The following LNPEP variants were observed in gnomAD, a reference collection of about 807,000 sequenced individuals.
LNPEP encodes leucyl-cystinyl aminopeptidase.
In LNPEP, 64 loss-of-function variants were observed where a neutral mutation model predicts 120.6. That is an observed-to-expected ratio of 0.53 (90% CI 0.43 to 0.65). The LOEUF (loss-of-function observed/expected upper bound fraction) is 0.65, where lower values mean the gene tolerates loss of function less well. Among genes scored for constraint, LNPEP ranks in the 30% least tolerant of loss-of-function variants. The pLI, the probability that LNPEP is intolerant of heterozygous loss-of-function variation, is 0.00. For missense variants in LNPEP, 1,057 were observed against 1,200.0 expected, an observed-to-expected ratio of 0.88 and a Z score of 1.76; for synonymous variants, 435 against 425.4, an observed-to-expected ratio of 1.02 and a Z score of -0.28.
chr5:96,964,978 A>G (rs922582460), intron 1 of LNPEP, among the ~76,000 whole-genome samples: 14 of 152,164 alleles, frequency 9.2e-5, no homozygotes, highest in Non-Finnish European at 1.6e-4. Flanking sequence ...ACATATTTTT[A>G]GAATTGATGT....
At position 97,013,673 on chromosome 5, in the gene LNPEP, G is replaced by T; in HGVS notation, c.2061G>T (p.Val687=). ...KSGVINLTEE[V]LWVKVNINMN... is the part of the protein sequence containing the mutation. ...GTGTCATCAATCTTACAGAAGAAGT[G>T]CTGTGGGTCAAAGTGAATATAAACA... is the stretch of plus-strand genomic sequence containing the variant. The change falls in exon 12 of 18, where the codon GTG becomes GTT. Residue 687 remains valine (V), a synonymous_variant. Coordinates refer to ENST00000231368, the MANE Select transcript of LNPEP (RefSeq NM_005575.3). 1 of 1,560,504 alleles carries T rather than the reference G, an allele frequency of 6.4e-7. No individual in the cohort carries two copies. The highest frequency in any genetic ancestry group is 8.7e-7 in the Non-Finnish European group (1 of 1,152,924).
intron 8 of LNPEP, 126 bp downstream of exon 8, chr5:96,998,271 A>G (rs1297978745): frequency 2.6e-6 from 2 of 763,298 alleles, no homozygotes; most frequent in Non-Finnish European, 2.0e-6. Flanking sequence ...ATGGTAAACT[A>G]TAAAATGTTT....
rs544106245 is a variant in LNPEP, at chr5:96,975,228, ATC to A, written c.20-3908_20-3907del. 3.4e-3 allele frequency among the ~76,000 whole-genome samples: 525 copies of A among 152,288 alleles called. 2 individuals are homozygous for A. The highest frequency in any genetic ancestry group is 0.012 in the African/African-American group (502 of 41,572). On this transcript the variant is annotated intron_variant, in intron 1 of 17. Coordinates refer to ENST00000231368, the MANE Select transcript of LNPEP (RefSeq NM_005575.3). ...ATTAATCAAACATCTCCACCTGGTT[ATC>A]TGACAGATATATCCTACACTGAATG...
Position 96,986,652 on chromosome 5 carries a change from G to C in LNPEP, c.1113G>C (p.Gln371His). Residue 371 changes from glutamine (Q) to histidine (H), a missense_variant, in exon 4 of 18, where the codon CAG becomes CAC. Coordinates refer to ENST00000231368, the MANE Select transcript of LNPEP (RefSeq NM_005575.3). ...FIVGEMKNLSQDVNGTLVSIY... is the reference protein window; with the variant it reads ...FIVGEMKNLSHDVNGTLVSIY... ...TGGGAGAGATGAAGAACCTGAGTCA[G>C]GACGTAAATGGAACCCTGGTATGTT... 1 of 1,613,534 alleles carries C rather than the reference G, an allele frequency of 6.2e-7. No homozygotes were observed. The highest frequency in any genetic ancestry group is 8.5e-7 in the Non-Finnish European group (1 of 1,179,626).
In LNPEP at chr5:96,971,520, G is replaced by A. The variant is rs545058423; in HGVS notation, c.20-7618G>A. On this transcript the variant is annotated intron_variant, in intron 1 of 17. Coordinates refer to ENST00000231368, the MANE Select transcript of LNPEP (RefSeq NM_005575.3). ...TTCTCACACTCCTTCTGTGGCTCCT[G>A]TTAGATACATGTTAGACTGTCTGAT... Among the ~76,000 whole-genome samples the A allele has an allele frequency of 1.1e-4, 16 of 151,964 alleles. No individual in the cohort carries two copies. In the East Asian group the frequency reaches 2.5e-3, roughly 24 times the overall value.
At chr5:96,977,725 A>G (rs1790034358) in intron 1 of LNPEP, among the ~76,000 whole-genome samples, 1 of 152,198 alleles carries the variant, frequency 6.6e-6, no homozygotes, top group Non-Finnish European at 1.5e-5. Flanking sequence ...GTTGAATAGC[A>G]CAAAATACAT....
chr5:96,992,072 G>A (rs981538011), intron 4 of LNPEP, among the ~76,000 whole-genome samples: 5 of 152,078 alleles, frequency 3.3e-5, no homozygotes, highest in Non-Finnish European at 7.4e-5. Context: ...CTTTGAACAT[G>A]GCTGTTTAAC....
rs1275327122 is a variant in LNPEP at position 97,034,995 on chromosome 5, AT to A, written c.*6465del. On this transcript the variant is annotated 3_prime_UTR_variant, in exon 18 of 18. Coordinates refer to ENST00000231368, the MANE Select transcript of LNPEP (RefSeq NM_005575.3). ...CACACACATTTTAATGTATATAAAT[AT>A]TTGCTACATTCTGTGTGTTATATAA... 6.6e-6 allele frequency: 1 copy of A among 152,020 alleles called. No homozygotes were observed. The highest frequency in any genetic ancestry group is 1.9e-4 in the East Asian group (1 of 5,192). The allele number at this position is 152,020 out of a possible 1,614,324, so 9.4% of individuals were successfully genotyped here. A position where few individuals can be genotyped will look rare whatever the true frequency, so the allele number is the denominator to read the frequency against.
intron 12 of LNPEP, among the ~76,000 whole-genome samples, chr5:97,014,547 A>G (rs1561452643): frequency 6.8e-6 from 1 of 147,724 alleles, no homozygotes; most frequent in Non-Finnish European, 1.5e-5. Context: ...CATTAAACCA[A>G]CAAATAAAAT....
chr5:96,940,574 G>A (rs1474870446), intron 1 of LNPEP, among the ~76,000 whole-genome samples: 1 of 152,126 alleles, frequency 6.6e-6, no homozygotes, highest in East Asian at 1.9e-4. Context: ...AAGCAATAAA[G>A]TTTTGTCTAA....
At chr5:96,996,264 G>C (rs1251436691) in intron 6 of LNPEP, 126 bp from the exon 7 acceptor site, 3 of 553,750 alleles carry the variant, frequency 5.4e-6, no homozygotes, top group Non-Finnish European at 9.7e-6. Context: ...TTTAACTATA[G>C]TATCAGTATA....
intron 3 of LNPEP, 148 bp downstream of exon 3, chr5:96,985,366 A>T (rs1423349558): frequency 1.5e-6 from 1 of 686,532 alleles, no homozygotes; most frequent in African/African-American, 1.9e-5. Flanking sequence ...TAAAAATTAA[A>T]ATATATTGGC....
At chr5:96,988,339 C>CT (rs201343272) in intron 4 of LNPEP, among the ~76,000 whole-genome samples, 3,039 of 125,102 alleles carry the variant, frequency 0.024, 126 homozygotes, top group African/African-American at 0.052. Flanking sequence ...TTTTTCTTTT[C>CT]TTTTTTTTTT....
At chr5:96,988,232 T>C (rs896720183) in intron 4 of LNPEP, among the ~76,000 whole-genome samples, 2 of 152,250 alleles carry the variant, frequency 1.3e-5, no homozygotes, top group Middle Eastern at 3.4e-3. Flanking sequence ...GATTCATCAT[T>C]TGATAATCAA....
At chr5:97,023,288 C>T (rs548603915) in intron 14 of LNPEP, among the ~76,000 whole-genome samples, 1 of 152,010 alleles carries the variant, frequency 6.6e-6, no homozygotes, top group African/African-American at 2.4e-5. Flanking sequence ...GAGTCTTGCT[C>T]TGTCACCCAG....
Position 97,028,427 on chromosome 5 carries a change from C to T in LNPEP, c.2972C>T (p.Ser991Leu), listed in dbSNP as rs746462911. Reference protein sequence around the residue: ...SEVQAFFENQSEATFRLRCVQ... With the variant: ...SEVQAFFENQLEATFRLRCVQ... Reference sequence around the variant, plus strand: ...GTTCAGGCATTCTTTGAAAATCAGTCAGAGGCAACCTTCCGGCTTCGTTGT... The same window carrying T: ...GTTCAGGCATTCTTTGAAAATCAGTTAGAGGCAACCTTCCGGCTTCGTTGT... Residue 991 changes from serine (S) to leucine (L), a missense_variant, in exon 18 of 18, where the codon TCA becomes TTA. Coordinates refer to ENST00000231368, the MANE Select transcript of LNPEP (RefSeq NM_005575.3). The T allele has an allele frequency of 1.2e-6, 2 of 1,613,890 alleles. No homozygotes were observed. Among genetic ancestry groups the T allele is most frequent in the Non-Finnish European group, 1.7e-6 (2 of 1,179,814 alleles).
intron 1 of LNPEP, among the ~76,000 whole-genome samples, chr5:96,941,391 G>A (rs1019389159): frequency 6.6e-6 from 1 of 152,196 alleles, no homozygotes; most frequent in Non-Finnish European, 1.5e-5. Context: ...ACCTACTGTA[G>A]GGGGCTGGAG....
chr5:96,982,408 A>G (rs1040387318), intron 2 of LNPEP, among the ~76,000 whole-genome samples: 5 of 152,242 alleles, frequency 3.3e-5, no homozygotes, highest in African/African-American at 4.8e-5. Context: ...GTTATTCAGC[A>G]TAGATAGAAC....
intron 11 of LNPEP, among the ~76,000 whole-genome samples, chr5:97,008,662 C>CTTTTTTTTT (rs757725207): frequency 9.4e-5 from 8 of 85,444 alleles, no homozygotes; most frequent in African/African-American, 2.4e-4. Context: ...CCTCTTTACT[C>CTTTTTTTTT]TTTTTTTTTT....
Sources: gnomAD v4.1 joint callset for allele counts (sites outside exome capture counted in the v4.1 genomes callset) on GRCh38, gnomAD v4.1.1 for gene constraint, MANE v1.5 for transcripts, NCBI Gene and HGNC (gene_info 2026-07-23, HGNC 2026-07-21) for gene names.